The following BLTP3A variants were observed in gnomAD, a reference collection of about 807,000 sequenced individuals.
BLTP3A encodes bridge-like lipid transfer protein family member 3A, also known as ICBP90 binding protein 1.
chr6:34,822,759 G>C, the BLTP3A span, among the ~76,000 whole-genome samples: 1 of 151,560 alleles, frequency 6.6e-6, no homozygotes, highest in Admixed American at 6.6e-5. Context: ...CGGGAGGCTG[G>C]GGCAGGAGAA....
the BLTP3A span, among the ~76,000 whole-genome samples, chr6:34,849,376 C>A: frequency 1.3e-5 from 2 of 151,908 alleles, no homozygotes; most frequent in South Asian, 4.2e-4. Context: ...CATCTTATAC[C>A]CCATTATTTT....
chr6:34,830,892 T>G, the BLTP3A span, among the ~76,000 whole-genome samples: 1 of 152,180 alleles, frequency 6.6e-6, no homozygotes, highest in Admixed American at 6.6e-5. Context: ...CTGGTGGGTG[T>G]GTAGTTGTAT....
At chr6:34,877,035 A>C in the BLTP3A span, 1 of 152,560 alleles carries the variant, frequency 6.6e-6, no homozygotes, top group Non-Finnish European at 1.5e-5. Context: ...CAGTTTATTA[A>C]TTTTTGGTCA....
the BLTP3A span, among the ~76,000 whole-genome samples, chr6:34,807,898 G>C: frequency 6.6e-6 from 1 of 152,050 alleles, no homozygotes; most frequent in Non-Finnish European, 1.5e-5. Flanking sequence ...AAAATTAGCT[G>C]GGTGTGGTGA....
chr6:34,859,647 C>G, the BLTP3A span: 1 of 1,562,574 alleles, frequency 6.4e-7, no homozygotes, highest in Admixed American at 1.8e-5. Context: ...AGGCCTCTTA[C>G]TATGTGCATT....
At chr6:34,830,021 G>T in the BLTP3A span, among the ~76,000 whole-genome samples, 3 of 151,870 alleles carry the variant, frequency 2.0e-5, no homozygotes, top group African/African-American at 7.3e-5. Flanking sequence ...CACTGTGTTG[G>T]CCAGGCTGGT....
At chr6:34,807,511 G>A in the BLTP3A span, among the ~76,000 whole-genome samples, 288 of 152,334 alleles carry the variant, frequency 1.9e-3, 2 homozygotes, top group East Asian at 0.013. Context: ...TTTGTGCTTA[G>A]AGGAGGGAAT....
chr6:34,802,042 A>G, the BLTP3A span, among the ~76,000 whole-genome samples: 1 of 152,016 alleles, frequency 6.6e-6, no homozygotes, highest in African/African-American at 2.4e-5. Context: ...TGGCCTGCAC[A>G]GCTTTAAACT....
the BLTP3A span, chr6:34,871,889 GT>G: frequency 6.2e-7 from 1 of 1,614,196 alleles, no homozygotes; most frequent in South Asian, 1.1e-5. Context: ...AAGAACAGGT[GT>G]TTTTGGTGCC....
At chr6:34,807,255 A>G in the BLTP3A span, among the ~76,000 whole-genome samples, 1 of 152,206 alleles carries the variant, frequency 6.6e-6, no homozygotes, top group African/African-American at 2.4e-5. Flanking sequence ...TAGTATCTTC[A>G]GGACTAGTGT....
the BLTP3A span, among the ~76,000 whole-genome samples, chr6:34,862,269 G>A: frequency 6.6e-6 from 1 of 151,860 alleles, no homozygotes; most frequent in East Asian, 1.9e-4. Context: ...CCAGCTACTC[G>A]GGAGGCTGAG....
At chr6:34,862,940 A>C in the BLTP3A span, among the ~76,000 whole-genome samples, 1 of 148,144 alleles carries the variant, frequency 6.8e-6, no homozygotes, top group East Asian at 2.0e-4. Flanking sequence ...ATGAAGTCTC[A>C]CTCTGTCGCC....
chr6:34,861,308 T>G, the BLTP3A span, among the ~76,000 whole-genome samples: 1 of 152,084 alleles, frequency 6.6e-6, no homozygotes, highest in Non-Finnish European at 1.5e-5. Flanking sequence ...GTATTTTTGG[T>G]AGAGATGGGG....
chr6:34,839,219 C>T, the BLTP3A span, among the ~76,000 whole-genome samples: 1 of 152,220 alleles, frequency 6.6e-6, no homozygotes, highest in Non-Finnish European at 1.5e-5. Context: ...CATTGCACTC[C>T]AGCCTGGGCA....
chr6:34,816,428 A>AGGG, the BLTP3A span, among the ~76,000 whole-genome samples: 1 of 151,942 alleles, frequency 6.6e-6, no homozygotes, highest in African/African-American at 2.4e-5. Context: ...TGGGTAACAA[A>AGGG]GGGAGACCCC....
chr6:34,859,163 G>A, the BLTP3A span: 4 of 1,614,174 alleles, frequency 2.5e-6, no homozygotes, highest in East Asian at 8.9e-5. Context: ...TTGGAGGAAA[G>A]TAGCATTGAA....
At chr6:34,846,829 C>T in the BLTP3A span, among the ~76,000 whole-genome samples, 1 of 152,180 alleles carries the variant, frequency 6.6e-6, no homozygotes, top group Admixed American at 6.5e-5. Flanking sequence ...AAGTGGGCAT[C>T]CTTATCTTGT....
chr6:34,820,165 TA>T, the BLTP3A span, among the ~76,000 whole-genome samples: 73 of 147,490 alleles, frequency 4.9e-4, no homozygotes, highest in African/African-American at 5.9e-4. Context: ...CAAGTAGTGC[TA>T]AAAAAAAAAA....
the BLTP3A span, chr6:34,834,777 A>G: frequency 4.3e-6 from 7 of 1,614,224 alleles, no homozygotes; most frequent in African/African-American, 8.0e-5. Flanking sequence ...CAGATGCTAC[A>G]GACAATGGTG....
Sources: allele counts gnomAD v4.1 joint callset (sites outside exome capture counted in the v4.1 genomes callset), GRCh38; gene constraint gnomAD v4.1.1; transcripts MANE v1.5; gene names NCBI Gene and HGNC (gene_info 2026-07-23, HGNC 2026-07-21).